ABLIM2: variants seen among roughly 807,000 people sequenced by gnomAD.
ABLIM2 encodes the protein actin-binding LIM protein 2.
Under a neutral mutation model 97.7 loss-of-function variants are expected in ABLIM2, and 53 were observed. The observed-to-expected ratio is 0.54, with a 90% CI of 0.44 to 0.68. ABLIM2 has a LOEUF of 0.68. Among genes scored for constraint, ABLIM2 ranks in the 30% least tolerant of loss-of-function variants. The pLI is 0.00. For synonymous variants in ABLIM2, 361 were observed against 345.8 expected (o/e 1.04, Z -0.49); for missense variants, 835 against 867.2 (o/e 0.96, Z 0.47).
chr4:8,146,399 C>T (rs779286480), intron 1 of ABLIM2, among the ~76,000 whole-genome samples: 2 of 152,234 alleles, frequency 1.3e-5, no homozygotes, highest in Non-Finnish European at 2.9e-5. Context: ...ATCCAGCCGT[C>T]ACCTACAAAG....
chr4:8,109,141 G>A (rs1469343612), intron 1 of ABLIM2, among the ~76,000 whole-genome samples: 2 of 152,218 alleles, frequency 1.3e-5, no homozygotes, highest in African/African-American at 4.8e-5. Flanking sequence ...TGCAAGAGCT[G>A]CTCCAAGGCG....
Position 8,029,790 on chromosome 4 carries a change from T to A in ABLIM2, c.1048-14A>T. On this transcript the variant is annotated splice_polypyrimidine_tract_variant and intron_variant, in intron 10 of 20. Coordinates refer to ENST00000447017, the MANE Select transcript of ABLIM2 (RefSeq NM_001130083.2). ...ATCCTGATCCCCCTGGGAGGGAAGA[T>A]GCAGCTTGTGAACACTGGAGCCGGG... The A allele has an allele frequency of 6.4e-7, 1 of 1,567,188 alleles. No individual in the cohort carries two copies. Among genetic ancestry groups the A allele is most frequent in the Non-Finnish European group, 8.6e-7 (1 of 1,156,248 alleles).
At chr4:8,084,869 A>C (rs2152483012) in intron 4 of ABLIM2, among the ~76,000 whole-genome samples, 1 of 152,304 alleles carries the variant, frequency 6.6e-6, no homozygotes, top group Non-Finnish European at 1.5e-5. Flanking sequence ...GGGTCCACCC[A>C]GGGTATCTGG....
In ABLIM2 at chr4:8,051,940, C is replaced by T. The variant is rs150980993; in HGVS notation, c.822+2248G>A. The stretch of plus-strand genomic sequence containing the variant: ...AAATCAGACACTGCCACCTCGAGCC[C>T]GTGTATATACCTGACTGGTATCCAC... On this transcript the variant is annotated intron_variant, in intron 8 of 20. Transcript: ENST00000447017. 2.2e-4 allele frequency among the ~76,000 whole-genome samples: 34 copies of T among 152,310 alleles called. No individual in the cohort carries two copies. The East Asian group carries it at 5.4e-3, about 24-fold the overall frequency.
intron 2 of ABLIM2, among the ~76,000 whole-genome samples, chr4:8,100,697 G>C (rs1035016677): frequency 7.4e-5 from 10 of 135,790 alleles, no homozygotes; most frequent in Admixed American, 5.9e-4. Context: ...GGTGAGCCAA[G>C]ATCGCGCCAC....
At position 8,069,759 on chromosome 4, in the gene ABLIM2, C is replaced by T. The variant is rs186344386; in HGVS notation, c.675+7869G>A. On this transcript the variant is annotated intron_variant, in intron 6 of 20. Coordinates refer to ENST00000447017, the MANE Select transcript of ABLIM2 (RefSeq NM_001130083.2). The surrounding 1 kb of genome is among the most constrained non-coding windows in gnomAD (Gnocchi z 4.2). Reference sequence around the variant, plus strand: ...GTCCTTGTGTTGTCTGTGTACGTTTCGGTGTGTCCATGCATGTTGTCTGTG... The same window carrying T: ...GTCCTTGTGTTGTCTGTGTACGTTTTGGTGTGTCCATGCATGTTGTCTGTG... 4.9e-3 allele frequency among the ~76,000 whole-genome samples: 733 copies of T among 151,012 alleles called. 6 individuals are homozygous for T. Among genetic ancestry groups the T allele is most frequent in the African/African-American group, 0.017 (681 of 41,056 alleles).
At chr4:8,039,117 G>A (rs1370898148) in intron 9 of ABLIM2, among the ~76,000 whole-genome samples, 1 of 152,168 alleles carries the variant, frequency 6.6e-6, no homozygotes, top group East Asian at 1.9e-4. Context: ...AGAGGCCCAG[G>A]ATTCATCACT....
At position 7,983,312 on chromosome 4, in the gene ABLIM2, G is replaced by T. The variant is rs753644689; in HGVS notation, c.1776C>A (p.Asn592Lys). Reference protein sequence around the residue: ...IYPYDSLIVTNRIRVKLPKDV... With the variant: ...IYPYDSLIVTKRIRVKLPKDV... ...CTTTGGGCAGTTTCACGCGAATTCG[G>T]TTTGTGACGATGAGGGAGTCATACG... Residue 592 changes from asparagine (N) to lysine (K), a missense_variant, in exon 20 of 21, where the codon AAC (asparagine) becomes AAA (lysine). By Grantham distance (94) the Asn-to-Lys change is moderately conservative. Transcript: ENST00000447017. 4.3e-6 allele frequency: 7 copies of T among 1,612,560 alleles called. No homozygotes were observed. The highest frequency in any genetic ancestry group is 5.9e-6 in the Non-Finnish European group (7 of 1,179,590).
At position 8,054,028 on chromosome 4, in the gene ABLIM2, T is replaced by C. The variant is rs1332604203; in HGVS notation, c.822+160A>G. 6.6e-6 allele frequency among the ~76,000 whole-genome samples: 1 copy of C among 152,220 alleles called. No individual in the cohort carries two copies. The highest frequency in any genetic ancestry group is 1.5e-5 in the Non-Finnish European group (1 of 68,038). ...TCTGTATTATTGCTCACCAGTCTAC[T>C]TGTTTACCCTCCCCACCTCCTAAGC... On this transcript the variant is annotated intron_variant, in intron 8 of 20. Transcript: ENST00000447017. This position sits in a 1 kb window ranked among gnomAD's most constrained non-coding sequence, Gnocchi z 4.9.
At position 8,132,091 on chromosome 4, in the gene ABLIM2, G is replaced by A. The variant is rs997885821; in HGVS notation, c.11-25454C>T. On this transcript the variant is annotated intron_variant, in intron 1 of 20. Coordinates refer to ENST00000447017, the MANE Select transcript of ABLIM2 (RefSeq NM_001130083.2). This position sits in a 1 kb window ranked among gnomAD's most constrained non-coding sequence, Gnocchi z 8.0. ...CCTCGGGGTGCCTGGACATCCCTCC[G>A]TGGGGTGTGGTGTACTAGCGGGATG... Among the ~76,000 whole-genome samples the A allele has an allele frequency of 6.0e-5, 9 of 150,830 alleles. No individual in the cohort carries two copies. Among genetic ancestry groups the A allele is most frequent in the East Asian group, 5.8e-4 (3 of 5,142 alleles).
intron 14 of ABLIM2, among the ~76,000 whole-genome samples, chr4:8,017,280 TTTATTA>T (rs751969191): frequency 3.2e-4 from 48 of 150,466 alleles, no homozygotes; most frequent in Admixed American, 9.3e-4. Context: ...TAATTCCCTA[TTTATTA>T]TTATTATTAT....
chr4:7,971,153 T>G (rs1009842470), intron 20 of ABLIM2, among the ~76,000 whole-genome samples: 4 of 151,646 alleles, frequency 2.6e-5, no homozygotes, highest in Admixed American at 2.6e-4. Flanking sequence ...CCTTACTCTG[T>G]GGCCAGCTGC....
Position 8,001,043 on chromosome 4 carries a change from T to G in ABLIM2, c.1618+7016A>C, listed in dbSNP as rs1054447384. On this transcript the variant is annotated intron_variant, in intron 16 of 20. Transcript: ENST00000447017. The surrounding 1 kb of genome is among the most constrained non-coding windows in gnomAD (Gnocchi z 4.2). ...TGGGCAGTTCCCATCCGCTCCTGGG[T>G]GCACGGGCAGGAGGTTTGGAGGCTG... 6.6e-6 allele frequency among the ~76,000 whole-genome samples: 1 copy of G among 152,184 alleles called. No homozygotes were observed. Among genetic ancestry groups the G allele is most frequent in the African/African-American group, 2.4e-5 (1 of 41,462 alleles).
intron 1 of ABLIM2, among the ~76,000 whole-genome samples, chr4:8,119,782 G>T (rs529486789): frequency 3.2e-4 from 49 of 152,284 alleles, no homozygotes; most frequent in African/African-American, 1.2e-3. Context: ...TGGCTCGAGG[G>T]CTTGGTTGCT....
Position 8,091,633 on chromosome 4 carries a change from ATATATAATTTTATATAT to A in ABLIM2, c.339-3366_339-3350del, listed in dbSNP as rs1282255344. Among the ~76,000 whole-genome samples, 3 of 67,810 alleles carry A rather than the reference ATATATAATTTTATATAT, an allele frequency of 4.4e-5. 1 individual carries two copies. Among genetic ancestry groups the A allele is most frequent in the African/African-American group, 6.2e-5 (1 of 16,054 alleles). 44.5% of individuals were successfully genotyped at this position (67,810 alleles called of 152,430 possible). A position where few individuals can be genotyped will look rare whatever the true frequency, so the allele number is the denominator to read the frequency against. ...TATGTATAATTTTATATAAAATTAT[ATATATAATTTTATATAT>A]TATATAATTATATATTATATAAAAT... On this transcript the variant is annotated intron_variant, in intron 3 of 20. Transcript: ENST00000447017.
intron 11 of ABLIM2, 87 bp downstream of exon 11, chr4:8,029,569 T>C (rs1411075904): frequency 1.7e-6 from 2 of 1,211,354 alleles, no homozygotes; most frequent in Non-Finnish European, 2.1e-6. Flanking sequence ...ATGCCACTTA[T>C]AACCGAAAAA....
At chr4:8,101,156 A>G (rs1156384969) in intron 2 of ABLIM2, among the ~76,000 whole-genome samples, 3 of 152,230 alleles carry the variant, frequency 2.0e-5, no homozygotes, top group Non-Finnish European at 4.4e-5. Context: ...AGAGAACCCC[A>G]GGGGCCTGAG....
chr4:8,137,149 G>C (rs963649928), intron 1 of ABLIM2, among the ~76,000 whole-genome samples: 34 of 152,190 alleles, frequency 2.2e-4, no homozygotes, highest in Admixed American at 2.2e-3. Context: ...CGCCCAGGCT[G>C]TGGTATTTGT....
At chr4:8,104,989 G>A (rs1043700046) in intron 2 of ABLIM2, among the ~76,000 whole-genome samples, 9 of 152,190 alleles carry the variant, frequency 5.9e-5, no homozygotes, top group African/African-American at 2.4e-5. Context: ...GACCCTCAAG[G>A]CGCCTCCACA....
Sources: allele counts gnomAD v4.1 joint callset (sites outside exome capture counted in the v4.1 genomes callset), GRCh38; gene constraint gnomAD v4.1.1; non-coding constraint Gnocchi (gnomAD v3.1); transcripts MANE v1.5; gene names NCBI Gene and HGNC (gene_info 2026-07-23, HGNC 2026-07-21).